Variants in TMEM117 observed in about 807,000 individuals in gnomAD.
TMEM117 encodes the protein transmembrane protein 117.
TMEM117 carries 27 observed loss-of-function variants against 52.4 expected under a neutral mutation model. That is an observed-to-expected ratio of 0.51 (90% CI 0.38 to 0.71). TMEM117 has a LOEUF of 0.71. Among genes scored for constraint, TMEM117 ranks in the 30% least tolerant of loss-of-function variants. TMEM117 has a pLI of 0.00. For missense variants in TMEM117, 556 were observed against 630.5 expected, an observed-to-expected ratio of 0.88 and a Z score of 1.26; for synonymous variants, 215 against 206.3, an observed-to-expected ratio of 1.04 and a Z score of -0.36.
chr12:43,969,323 A>C (rs1184687000), intron 3 of TMEM117, among the ~76,000 whole-genome samples: 2 of 140,084 alleles, frequency 1.4e-5, no homozygotes, highest in Non-Finnish European at 3.0e-5. Context: ...GTTCAAGACC[A>C]GCCTGGCCAA....
intron 1 of TMEM117, among the ~76,000 whole-genome samples, chr12:43,838,153 C>G (rs1943062328): frequency 6.6e-6 from 1 of 151,894 alleles, no homozygotes; most frequent in Non-Finnish European, 1.5e-5. Flanking sequence ...GTATTAGGCA[C>G]TTGCATTATG....
chr12:44,394,580 C>T (rs1201612242), downstream of TMEM117, among the ~76,000 whole-genome samples: 2 of 152,192 alleles, frequency 1.3e-5, no homozygotes, highest in East Asian at 1.9e-4. Context: ...TCCCTTGGAG[C>T]TGCTGGGCCA....
intron 3 of TMEM117, among the ~76,000 whole-genome samples, chr12:43,963,315 A>T (rs575825043): frequency 1.1e-4 from 16 of 152,184 alleles, no homozygotes; most frequent in Admixed American, 4.6e-4. Flanking sequence ...AGAGAATTTG[A>T]TGTACAAACT....
chr12:44,263,809 A>G (rs942540147), intron 5 of TMEM117: 1 of 152,212 alleles, frequency 6.6e-6, no homozygotes, highest in Non-Finnish European at 1.5e-5. Context: ...GGAAGAACAG[A>G]CCACTGTGCA....
At chr12:44,328,261 C>T (rs1027110052) in intron 6 of TMEM117, among the ~76,000 whole-genome samples, 31 of 152,230 alleles carry the variant, frequency 2.0e-4, no homozygotes, top group Admixed American at 8.5e-4. Context: ...GCACAGCCAT[C>T]GTACATATCT....
chr12:43,893,069 A>G (rs1675763), intron 2 of TMEM117, among the ~76,000 whole-genome samples: 144,862 of 152,344 alleles, frequency 0.95, 68,970 homozygotes, highest in East Asian at 1. Context: ...AAGGTAGAGC[A>G]TGGAAGGAGA....
intron 3 of TMEM117, among the ~76,000 whole-genome samples, chr12:44,120,049 G>T (rs1350281646): frequency 6.6e-6 from 1 of 152,024 alleles, no homozygotes; most frequent in Non-Finnish European, 1.5e-5. Context: ...AAGAGAGAGA[G>T]AACTCAAAGG....
At chr12:43,991,914 G>A (rs184072625) in intron 3 of TMEM117, among the ~76,000 whole-genome samples, 3 of 152,208 alleles carry the variant, frequency 2.0e-5, no homozygotes, top group Non-Finnish European at 4.4e-5. Flanking sequence ...CTTAATGCAA[G>A]TTTGGGAGGC....
chr12:44,127,758 C>CA lies in TMEM117; in HGVS notation c.411-15762dup, dbSNP rs559577596. ...CCAATCCGTTGAAAGGCTGCAGAAG[C>CA]AAAAATTGATGTTTCCCAGAGAAAG... On this transcript the variant is annotated intron_variant, in intron 3 of 7. Coordinates refer to ENST00000266534, the MANE Select transcript of TMEM117 (RefSeq NM_032256.3). Among the ~76,000 whole-genome samples, 6 of 152,154 alleles carry CA rather than the reference C, an allele frequency of 3.9e-5. No homozygotes were observed. The East Asian group carries it at 1.2e-3, about 29-fold the overall frequency.
chr12:44,047,725 A>AT (rs1405875873), intron 3 of TMEM117, among the ~76,000 whole-genome samples: 1 of 152,176 alleles, frequency 6.6e-6, no homozygotes. Context: ...TTAGAGAAAA[A>AT]TCCCCAATTG....
At chr12:43,879,640 G>A (rs936982467) in intron 2 of TMEM117, among the ~76,000 whole-genome samples, 1 of 152,192 alleles carries the variant, frequency 6.6e-6, no homozygotes, top group Non-Finnish European at 1.5e-5. Context: ...CCTGCTTGCT[G>A]TATTTTTGGA....
At position 44,163,318 on chromosome 12, in the gene TMEM117, A is replaced by G. The variant is rs574023827; in HGVS notation, c.510+19694A>G. Reference sequence around the variant, plus strand: ...CTACAAGATGATCTCGTGACATAACACTTAGGGACATGGAGAACTTTAAAA... The same window carrying G: ...CTACAAGATGATCTCGTGACATAACGCTTAGGGACATGGAGAACTTTAAAA... On this transcript the variant is annotated intron_variant, in intron 4 of 7. Coordinates refer to ENST00000266534, the MANE Select transcript of TMEM117 (RefSeq NM_032256.3). Among the ~76,000 whole-genome samples, 21 of 152,310 alleles carry G rather than the reference A, an allele frequency of 1.4e-4. No homozygotes were observed. The East Asian group carries it at 3.9e-3, about 28-fold the overall frequency.
intron 6 of TMEM117, among the ~76,000 whole-genome samples, chr12:44,349,941 G>A (rs1951539421): frequency 6.6e-6 from 1 of 151,972 alleles, no homozygotes; most frequent in Non-Finnish European, 1.5e-5. Flanking sequence ...GATGTAGCCA[G>A]GAAAGGCAAA....
intron 5 of TMEM117, chr12:44,248,576 CAG>C (rs1950159528): frequency 6.4e-6 from 1 of 155,844 alleles, no homozygotes; most frequent in Non-Finnish European, 1.4e-5. Flanking sequence ...TTAGCGCTGG[CAG>C]ATGTGGCACA....
chr12:43,809,178 G>A, the TMEM117 span, among the ~76,000 whole-genome samples: 2 of 152,192 alleles, frequency 1.3e-5, no homozygotes, highest in Non-Finnish European at 2.9e-5. Flanking sequence ...TGTGTATAGT[G>A]CATATACACA....
At chr12:44,078,705 T>TTTTA (rs936187827) in intron 3 of TMEM117, among the ~76,000 whole-genome samples, 4 of 152,160 alleles carry the variant, frequency 2.6e-5, no homozygotes, top group African/African-American at 9.7e-5. Flanking sequence ...TTTGTTTTGT[T>TTTTA]TTTATTTATT....
chr12:43,927,261 T>G (rs1418467720), intron 2 of TMEM117, among the ~76,000 whole-genome samples: 1 of 152,056 alleles, frequency 6.6e-6, no homozygotes, highest in Non-Finnish European at 1.5e-5. Flanking sequence ...GGAAATGTGG[T>G]CTGTGTGATA....
intron 3 of TMEM117, among the ~76,000 whole-genome samples, chr12:44,133,536 C>A (rs901849173): frequency 6.6e-5 from 10 of 151,750 alleles, no homozygotes; most frequent in Admixed American, 6.6e-4. Context: ...GGTCTGATAG[C>A]TGGTGTGGTG....
At chr12:44,075,208 T>A (rs1947362966) in intron 3 of TMEM117, among the ~76,000 whole-genome samples, 1 of 152,204 alleles carries the variant, frequency 6.6e-6, no homozygotes, top group African/African-American at 2.4e-5. Context: ...TGGGTACATC[T>A]GAAGGATGGT....
Sources: gnomAD v4.1 joint callset for allele counts (sites outside exome capture counted in the v4.1 genomes callset) on GRCh38, gnomAD v4.1.1 for gene constraint, MANE v1.5 for transcripts, NCBI Gene and HGNC (gene_info 2026-07-23, HGNC 2026-07-21) for gene names.